The following ABCA5 variants were observed in gnomAD, a reference collection of about 807,000 sequenced individuals.
ABCA5 encodes cholesterol transporter ABCA5.
ABCA5 carries 163 observed loss-of-function variants against 206.0 expected under a neutral mutation model. That is an observed-to-expected ratio of 0.79 (90% CI 0.70 to 0.90). The LOEUF (loss-of-function observed/expected upper bound fraction) is 0.90. ABCA5 is among the 40% of genes least tolerant of loss of function. ABCA5 has a pLI of 0.00. For synonymous variants in ABCA5, 609 were observed against 613.8 expected, an observed-to-expected ratio of 0.99 and a Z score of 0.11; for missense variants, 1,859 against 1,912.9, an observed-to-expected ratio of 0.97 and a Z score of 0.53.
At chr17:69,271,558 T>TGATCATCCTG (rs1219286358) in intron 20 of ABCA5, among the ~76,000 whole-genome samples, 65 of 152,228 alleles carry the variant, frequency 4.3e-4, no homozygotes, top group African/African-American at 1.6e-3. Context: ...GCCTTATAGG[T>TGATCATCCTG]AGAGTGATCA....
chr17:69,277,743 G>A lies in ABCA5; in HGVS notation c.2492C>T (p.Ala831Val), dbSNP rs909657653. The change falls in exon 19 of 39, where the codon GCT becomes GTT. Residue 831 changes from alanine (A) to valine (V), a missense_variant. Coordinates refer to ENST00000392676, the MANE Select transcript of ABCA5 (RefSeq NM_172232.4). Reference sequence around the variant, plus strand: ...AAGGCTCATGGTGCTCACTAGAGCAGCCTTGGTTTCAGAAAGAATAAGTAA... The same window carrying A: ...AAGGCTCATGGTGCTCACTAGAGCAACCTTGGTTTCAGAAAGAATAAGTAA... ...QSLLILSETK[A>V]ALVSTMSLWK... The A allele has an allele frequency of 1.2e-6, 2 of 1,606,560 alleles. No homozygotes were observed. Among genetic ancestry groups the A allele is most frequent in the Non-Finnish European group, 1.7e-6 (2 of 1,177,906 alleles).
chr17:69,255,842 G>A lies in ABCA5; in HGVS notation c.3867C>T (p.Ser1289=), dbSNP rs1349262404. 3.2e-6 allele frequency: 5 copies of A among 1,554,806 alleles called. No individual in the cohort carries two copies. Among genetic ancestry groups the A allele is most frequent in the African/African-American group, 1.4e-5 (1 of 71,900 alleles). The change falls in exon 30 of 39, where the codon TCC becomes TCT. Residue 1289 remains serine (S), a synonymous_variant. Transcript: ENST00000392676. ...CTTTATGCAAATTGCTGACCATAAT[G>A]GATGGTTTCTAATAAGAAAAATTGT... The part of the protein sequence containing the change: ...MGCQCCEEKP[S]IMVSNLHKEY...
chr17:69,289,336 A>G, intron 13 of ABCA5, 40 bp from the exon 14 acceptor site: 1 of 1,415,450 alleles, frequency 7.1e-7, no homozygotes, highest in Non-Finnish European at 9.4e-7. Flanking sequence ...TTTAAAAATC[A>G]TACCATTTAT....
chr17:69,263,883 A>C (rs1406576253), intron 24 of ABCA5, among the ~76,000 whole-genome samples: 1 of 151,516 alleles, frequency 6.6e-6, no homozygotes, highest in Non-Finnish European at 1.5e-5. Context: ...TTTCTAGTAG[A>C]GATGGTGTTT....
At chr17:69,305,693 G>A (rs2075708884) in intron 6 of ABCA5, among the ~76,000 whole-genome samples, 1 of 152,008 alleles carries the variant, frequency 6.6e-6, no homozygotes, top group African/African-American at 2.4e-5. Context: ...AACATGGCGA[G>A]ACCCCCGTCC....
intron 24 of ABCA5, among the ~76,000 whole-genome samples, chr17:69,261,949 TTCTC>T (rs1287773466): frequency 1.3e-5 from 2 of 151,978 alleles, no homozygotes; most frequent in Admixed American, 6.6e-5. Context: ...AGCTACAACG[TTCTC>T]TCTCTCAAAT....
intron 2 of ABCA5, among the ~76,000 whole-genome samples, chr17:69,313,501 T>C (rs1249927896): frequency 6.6e-6 from 1 of 152,124 alleles, no homozygotes; most frequent in Non-Finnish European, 1.5e-5. Flanking sequence ...TTTTCCTTTG[T>C]ATTTAGTTTT....
chr17:69,256,132 G>T, intron 29 of ABCA5, 25 bp downstream of exon 29: 3 of 1,539,786 alleles, frequency 1.9e-6, no homozygotes, highest in African/African-American at 1.4e-5. Context: ...TATTTACTAT[G>T]ACTTAGCCAT....
Position 69,246,325 on chromosome 17 carries a change from T to C in ABCA5, c.*1212A>G, listed in dbSNP as rs548113668. 9.2e-5 allele frequency: 14 copies of C among 152,138 alleles called. No individual in the cohort carries two copies. Among genetic ancestry groups the C allele is most frequent in the African/African-American group, 2.9e-4 (12 of 41,586 alleles). 9.4% of individuals were successfully genotyped at this position (152,138 alleles called of 1,614,324 possible). On this transcript the variant is annotated 3_prime_UTR_variant, in exon 39 of 39. Coordinates refer to ENST00000392676, the MANE Select transcript of ABCA5 (RefSeq NM_172232.4). ...CTCTCAATATATTTGTTTTATGAAG[T>C]TAATACTTTCATTTGGTTGAAATGT...
At chr17:69,269,481 AG>A (rs1195376275) in intron 22 of ABCA5, among the ~76,000 whole-genome samples, 7 of 152,228 alleles carry the variant, frequency 4.6e-5, no homozygotes, top group Non-Finnish European at 8.8e-5. Flanking sequence ...TTTGGAAAGC[AG>A]TTTGGCAGTT....
chr17:69,284,646 G>C (rs2075431124), intron 17 of ABCA5, among the ~76,000 whole-genome samples: 1 of 152,036 alleles, frequency 6.6e-6, no homozygotes, highest in African/African-American at 2.4e-5. Context: ...AAAATAATGA[G>C]AAGAGAATAT....
chr17:69,250,354 G>GATAT (rs147076066), intron 36 of ABCA5, 118 bp downstream of exon 36: 86 of 713,594 alleles, frequency 1.2e-4, no homozygotes, highest in South Asian at 2.4e-4. Context: ...CACACACAGA[G>GATAT]ATATATATAT....
intron 24 of ABCA5, 111 bp downstream of exon 24, chr17:69,264,624 C>T (rs975017075): frequency 1.4e-6 from 1 of 704,448 alleles, no homozygotes; most frequent in Non-Finnish European, 2.1e-6. Context: ...GCTCTATTTT[C>T]TTTAACAAAT....
chr17:69,284,157 G>T, intron 17 of ABCA5, 85 bp from the exon 18 acceptor site: 1 of 1,191,858 alleles, frequency 8.4e-7, no homozygotes, highest in Non-Finnish European at 1.1e-6. Flanking sequence ...ATAAGTTCAT[G>T]AACAGCCTGT....
rs775128942 is a variant in ABCA5 at position 69,306,884 on chromosome 17, A to C, written c.629T>G (p.Val210Gly). ...TKAVIMGETAVVEIDTFPRGV... is the reference protein window; with the variant it reads ...TKAVIMGETAGVEIDTFPRGV... ...TCGGGGAAAGGTATCTATTTCTACA[A>C]CAGCAGTTTCTCCCATAATAACAGC... Residue 210 changes from valine to glycine, a missense_variant, in exon 6 of 39, where the codon GTT becomes GGT. Transcript: ENST00000392676. The C allele has an allele frequency of 1.1e-5, 17 of 1,597,550 alleles. No individual in the cohort carries two copies. Among genetic ancestry groups the C allele is most frequent in the Non-Finnish European group, 1.4e-5 (16 of 1,171,310 alleles).
At chr17:69,273,746 G>A (rs1011155372) in intron 20 of ABCA5, among the ~76,000 whole-genome samples, 3 of 151,938 alleles carry the variant, frequency 2.0e-5, no homozygotes, top group Admixed American at 6.6e-5. Flanking sequence ...GGGAGCCATC[G>A]CACCTGGCCA....
In ABCA5 at chr17:69,301,292, A is replaced by T; in HGVS notation, c.1120-6T>A. 3 of 1,585,358 alleles carry T rather than the reference A, an allele frequency of 1.9e-6. No homozygotes were observed. Among genetic ancestry groups the T allele is most frequent in the Non-Finnish European group, 2.6e-6 (3 of 1,173,054 alleles). ...AAATCTTCTAAATGCATGACCTGAA[A>T]AATACAAACACTAACTTTATTACAT... On this transcript the variant is annotated splice_polypyrimidine_tract_variant and splice_region_variant and intron_variant, in intron 8 of 38. Coordinates refer to ENST00000392676, the MANE Select transcript of ABCA5 (RefSeq NM_172232.4).
chr17:69,268,376 A>G (rs866172256), intron 22 of ABCA5, among the ~76,000 whole-genome samples: 1 of 152,270 alleles, frequency 6.6e-6, no homozygotes, highest in Middle Eastern at 3.4e-3. Flanking sequence ...TGAATGATGT[A>G]TTTGAAAAGC....
chr17:69,287,977 CACAAG>C (rs1187694929), intron 14 of ABCA5, among the ~76,000 whole-genome samples: 3 of 151,886 alleles, frequency 2.0e-5, no homozygotes, highest in African/African-American at 4.8e-5. Context: ...GCCTGTAATA[CACAAG>C]ACAAAAGTAT....
Sources: gnomAD v4.1 joint callset for allele counts (sites outside exome capture counted in the v4.1 genomes callset) on GRCh38, gnomAD v4.1.1 for gene constraint, MANE v1.5 for transcripts, NCBI Gene and HGNC (gene_info 2026-07-23, HGNC 2026-07-21) for gene names.